The following WASHC3 variants were observed in gnomAD, a reference collection of about 807,000 sequenced individuals.
WASHC3 encodes the protein WASH complex subunit 3, also known as WASH complex subunit CCDC53.
A neutral mutation model predicts 26.1 loss-of-function variants in WASHC3; 24 were observed. The ratio of observed to expected loss-of-function variants is 0.92; its 90% CI spans 0.66 to 1.29. The LOEUF (loss-of-function observed/expected upper bound fraction) is 1.29. WASHC3 is among the 50% of genes most tolerant of loss of function. WASHC3 has a pLI of 0.00. For missense variants in WASHC3, 214 were observed against 229.6 expected, an observed-to-expected ratio of 0.93 and a Z score of 0.44; for synonymous variants, 77 against 75.7, an observed-to-expected ratio of 1.02 and a Z score of -0.09.
At chr12:102,025,408 C>T (rs961125195) in intron 6 of WASHC3, among the ~76,000 whole-genome samples, 1 of 151,680 alleles carries the variant, frequency 6.6e-6, no homozygotes, top group African/African-American at 2.4e-5. Context: ...ATAAAATTCA[C>T]ACAATAAGGG....
intron 2 of WASHC3, among the ~76,000 whole-genome samples, chr12:102,057,117 CA>C (rs1349814625): frequency 2.6e-5 from 4 of 152,036 alleles, no homozygotes; most frequent in African/African-American, 9.7e-5. Flanking sequence ...TCAACATATG[CA>C]AATCAGTAAA....
chr12:102,027,990 G>A (rs1275414120), intron 5 of WASHC3, among the ~76,000 whole-genome samples: 5 of 152,172 alleles, frequency 3.3e-5, no homozygotes, highest in Middle Eastern at 3.4e-3. Context: ...GTTCCATGAG[G>A]CAATTTTAAA....
intron 3 of WASHC3, among the ~76,000 whole-genome samples, chr12:102,044,607 A>G (rs1878078401): frequency 6.6e-6 from 1 of 152,176 alleles, no homozygotes; most frequent in South Asian, 2.1e-4. Context: ...TGTTGTAAAA[A>G]TATTTCTATT....
chr12:102,024,891 C>T (rs1242841512), intron 6 of WASHC3, among the ~76,000 whole-genome samples: 3 of 152,096 alleles, frequency 2.0e-5, no homozygotes, highest in Non-Finnish European at 4.4e-5. Context: ...GTGTCAGGAA[C>T]AATTTCCACA....
At chr12:102,020,049 C>A (rs796324414) in intron 6 of WASHC3, among the ~76,000 whole-genome samples, 2 of 152,272 alleles carry the variant, frequency 1.3e-5, no homozygotes, top group African/African-American at 4.8e-5. Context: ...GGAATCTATT[C>A]CCTTGGAGAG....
chr12:102,051,674 A>T (rs989166932), intron 2 of WASHC3, among the ~76,000 whole-genome samples: 1 of 152,210 alleles, frequency 6.6e-6, no homozygotes, highest in Non-Finnish European at 1.5e-5. Flanking sequence ...GCTACTTTCT[A>T]TCTGTGTATG....
At chr12:102,043,742 C>A (rs1878040287) in intron 4 of WASHC3, 1 of 152,536 alleles carries the variant, frequency 6.6e-6, no homozygotes, top group Non-Finnish European at 1.5e-5. Context: ...ATTGTGAAAA[C>A]TGGTGAATCC....
In WASHC3 at chr12:102,024,955, T is replaced by C. The variant is rs558755002; in HGVS notation, c.500+1019A>G. ...CAGTTCAAGCTGCCAAGCTATGCCA[T>C]TGTACTTGAACTGTTTGCTACTTGG... is the stretch of plus-strand genomic sequence containing the variant. On this transcript the variant is annotated intron_variant, in intron 6 of 6. Transcript: ENST00000240079. Among the ~76,000 whole-genome samples, 29 of 152,298 alleles carry C rather than the reference T, an allele frequency of 1.9e-4. No homozygotes were observed. In the South Asian group the frequency reaches 5.4e-3, roughly 28 times the overall value.
chr12:102,047,744 A>C (rs1878222024), intron 2 of WASHC3, among the ~76,000 whole-genome samples: 1 of 152,210 alleles, frequency 6.6e-6, no homozygotes, highest in Non-Finnish European at 1.5e-5. Flanking sequence ...GAAACAAAAA[A>C]ATGGAATTAA....
At chr12:102,050,670 A>T (rs1878362242) in intron 2 of WASHC3, 1 of 431,136 alleles carries the variant, frequency 2.3e-6, no homozygotes, top group Non-Finnish European at 4.6e-6. Flanking sequence ...AAAAAAAATT[A>T]TTAAACAAAC....
chr12:102,029,907 T>TC lies in WASHC3; in HGVS notation c.436-3870dup, dbSNP rs569921369. Among the ~76,000 whole-genome samples, 467 of 152,250 alleles carry TC rather than the reference T, an allele frequency of 3.1e-3. 4 individuals are homozygous for TC. The highest frequency in any genetic ancestry group is 0.011 in the African/African-American group (449 of 41,546). ...CTACGGGTTGTTAAAAGGCAGCTAGTCCCCCAATCAGGCTCCTTTTACTTA... is the reference window on the plus strand; with the variant it reads ...CTACGGGTTGTTAAAAGGCAGCTAGTCCCCCCAATCAGGCTCCTTTTACTTA... On this transcript the variant is annotated intron_variant, in intron 5 of 6. Transcript: ENST00000240079.
chr12:102,018,435 C>G (rs991016211), intron 6 of WASHC3, among the ~76,000 whole-genome samples: 2 of 152,188 alleles, frequency 1.3e-5, no homozygotes, highest in Non-Finnish European at 2.9e-5. Context: ...TGCACAGGGG[C>G]TCCAATTTCT....
chr12:102,048,958 T>C (rs955369527), intron 2 of WASHC3, among the ~76,000 whole-genome samples: 6 of 152,210 alleles, frequency 3.9e-5, no homozygotes, highest in Non-Finnish European at 5.9e-5. Context: ...TGGTATAACA[T>C]ACCTGAATGT....
intron 2 of WASHC3, among the ~76,000 whole-genome samples, chr12:102,049,783 G>A (rs1378325790): frequency 6.6e-6 from 1 of 152,166 alleles, no homozygotes; most frequent in African/African-American, 2.4e-5. Flanking sequence ...TTATTAGGTT[G>A]TGTCTGATAC....
chr12:102,048,331 T>G (rs1878247415), intron 2 of WASHC3: 1 of 152,148 alleles, frequency 6.6e-6, no homozygotes, highest in Non-Finnish European at 1.5e-5. Context: ...ATCCCAGCAC[T>G]TTGGGAGGCC....
At chr12:102,015,544 TAATA>T (rs1028657975) in intron 6 of WASHC3, among the ~76,000 whole-genome samples, 72 of 149,002 alleles carry the variant, frequency 4.8e-4, no homozygotes, top group Admixed American at 1.5e-3. Context: ...TTAAATTAAT[TAATA>T]AATGTAAAGT....
At chr12:102,043,613 G>A (rs573161052) in intron 4 of WASHC3, 2 of 152,414 alleles carry the variant, frequency 1.3e-5, no homozygotes, top group Non-Finnish European at 2.9e-5. Flanking sequence ...ATTTATATAA[G>A]CAAATGTTAC....
chr12:102,035,609 T>C (rs1877621740), intron 5 of WASHC3, among the ~76,000 whole-genome samples: 1 of 152,198 alleles, frequency 6.6e-6, no homozygotes, highest in South Asian at 2.1e-4. Context: ...TGAGAGCATA[T>C]TTATACATAT....
intron 2 of WASHC3, among the ~76,000 whole-genome samples, chr12:102,058,241 T>A (rs1184545850): frequency 1.3e-5 from 2 of 152,052 alleles, no homozygotes; most frequent in Non-Finnish European, 2.9e-5. Context: ...CCTCATCCTT[T>A]ACCATATAAA....
Sources: gnomAD v4.1 joint callset for allele counts (sites outside exome capture counted in the v4.1 genomes callset) on GRCh38, gnomAD v4.1.1 for gene constraint, MANE v1.5 for transcripts, NCBI Gene and HGNC (gene_info 2026-07-23, HGNC 2026-07-21) for gene names.